CEP128: variants seen among roughly 807,000 people sequenced by gnomAD.
CEP128 encodes the protein centrosomal protein 128.
Under a neutral mutation model 156.7 loss-of-function variants are expected in CEP128, and 132 were observed. The observed-to-expected ratio is 0.84, with a 90% CI of 0.73 to 0.97. The LOEUF is 0.97. Ranked by LOEUF, CEP128 falls within the 50% of genes least tolerant of loss-of-function variation. The pLI is 0.00. For synonymous variants in CEP128, 469 were observed against 448.9 expected (o/e 1.04, Z -0.57); for missense variants, 1,252 against 1,281.9 (o/e 0.98, Z 0.36).
chr14:80,851,500 A>G (rs1886887339), intron 9 of CEP128, among the ~76,000 whole-genome samples: 1 of 152,136 alleles, frequency 6.6e-6, no homozygotes. Context: ...ATCTTAGACT[A>G]ATAAGTACTG....
Position 80,785,474 on chromosome 14 carries a change from C to T in CEP128, c.1632G>A (p.Lys544=), listed in dbSNP as rs1901357209. The part of the protein sequence containing the change: ...AALQQIENLR[K]ELNDVLTKRA... ...GCTTTGTTAGGACATCATTCAATTC[C>T]TTTCGAAGATTCTCTATTTGTTGTA... The change falls in exon 15 of 25, where the codon AAG becomes AAA. Residue 544 remains lysine, a synonymous_variant. Transcript: ENST00000555265. The T allele has an allele frequency of 1.2e-6, 2 of 1,613,776 alleles. No homozygotes were observed. The highest frequency in any genetic ancestry group is 4.5e-5 in the East Asian group (2 of 44,878).
intron 13 of CEP128, among the ~76,000 whole-genome samples, chr14:80,825,311 G>A (rs1885413351): frequency 6.6e-6 from 1 of 152,170 alleles, no homozygotes; most frequent in South Asian, 2.1e-4. Flanking sequence ...GTTTCACTAT[G>A]TTGCCTAGGC....
chr14:80,955,736 T>A, intron 2 of CEP128: 1 of 1,614,148 alleles, frequency 6.2e-7, no homozygotes, highest in Non-Finnish European at 8.5e-7. Context: ...CCCAGGGACC[T>A]GGGCGGAATG....
chr14:80,693,177 C>T (rs1010341855), intron 19 of CEP128, among the ~76,000 whole-genome samples: 5 of 152,132 alleles, frequency 3.3e-5, no homozygotes, highest in Non-Finnish European at 5.9e-5. Context: ...AGCCTACAGA[C>T]CAATACCTTG....
intron 19 of CEP128, among the ~76,000 whole-genome samples, chr14:80,633,927 C>T (rs1186086442): frequency 6.6e-6 from 1 of 152,126 alleles, no homozygotes; most frequent in Non-Finnish European, 1.5e-5. Flanking sequence ...ATGTACAGGG[C>T]CCTCTTGGAC....
intron 2 of CEP128, among the ~76,000 whole-genome samples, chr14:80,927,577 G>A (rs1885220470): frequency 6.6e-6 from 1 of 152,188 alleles, no homozygotes; most frequent in South Asian, 2.1e-4. Flanking sequence ...TGAATAGCCA[G>A]AGCACTTCGT....
At chr14:80,684,324 C>G (rs1896441103) in intron 19 of CEP128, among the ~76,000 whole-genome samples, 1 of 152,042 alleles carries the variant, frequency 6.6e-6, no homozygotes, top group Non-Finnish European at 1.5e-5. Context: ...CACCTCTATG[C>G]ATACAAATCA....
At chr14:80,820,102 G>A (rs1345058271) in intron 13 of CEP128, among the ~76,000 whole-genome samples, 1 of 152,246 alleles carries the variant, frequency 6.6e-6, no homozygotes, top group East Asian at 1.9e-4. Flanking sequence ...TGTAGGATTT[G>A]TAGTTGATTC....
chr14:80,694,015 G>C (rs1051408545), intron 19 of CEP128, among the ~76,000 whole-genome samples: 1 of 152,154 alleles, frequency 6.6e-6, no homozygotes, highest in African/African-American at 2.4e-5. Flanking sequence ...AAGTGTTTTA[G>C]GTTCTTCCTG....
chr14:80,528,853 AT>A (rs1889099253), intron 22 of CEP128, among the ~76,000 whole-genome samples: 2 of 152,160 alleles, frequency 1.3e-5, no homozygotes, highest in Admixed American at 6.5e-5. Flanking sequence ...CGCCACACTG[AT>A]TTTTAGAAAG....
intron 19 of CEP128, among the ~76,000 whole-genome samples, chr14:80,598,640 G>A (rs541623586): frequency 1.5e-4 from 23 of 152,002 alleles, no homozygotes; most frequent in Non-Finnish European, 2.9e-4. Context: ...TATATGGAAA[G>A]GAAAAGGAAC....
chr14:80,772,996 G>C (rs1272105706), intron 16 of CEP128, among the ~76,000 whole-genome samples: 1 of 152,192 alleles, frequency 6.6e-6, no homozygotes, highest in Non-Finnish European at 1.5e-5. Flanking sequence ...AGCATCTTTT[G>C]TAACAGAGGA....
downstream of CEP128, among the ~76,000 whole-genome samples, chr14:80,494,277 T>G (rs1046032044): frequency 1.3e-5 from 2 of 152,192 alleles, no homozygotes; most frequent in African/African-American, 4.8e-5. Flanking sequence ...GAGAACAGCT[T>G]CCTCATTTGA....
intron 19 of CEP128, among the ~76,000 whole-genome samples, chr14:80,717,232 T>C (rs1281773426): frequency 1.3e-5 from 2 of 152,344 alleles, no homozygotes; most frequent in South Asian, 2.1e-4. Flanking sequence ...TTAAATAATA[T>C]AGTTGTCCCT....
intron 19 of CEP128, among the ~76,000 whole-genome samples, chr14:80,734,781 G>A (rs1441009810): frequency 7.1e-6 from 1 of 140,530 alleles, no homozygotes; most frequent in Non-Finnish European, 1.5e-5. Flanking sequence ...CCAGGAGGCA[G>A]AGGTTGCAAT....
chr14:80,595,972 C>A (rs1276645986), intron 19 of CEP128, among the ~76,000 whole-genome samples: 1 of 151,494 alleles, frequency 6.6e-6, no homozygotes, highest in African/African-American at 2.4e-5. Context: ...CACCGTGTCC[C>A]TCCCAGAACA....
chr14:80,512,740 T>C (rs1888316892), intron 23 of CEP128, among the ~76,000 whole-genome samples: 1 of 152,098 alleles, frequency 6.6e-6, no homozygotes. Context: ...GTATCCATTG[T>C]AGGTTTTTTG....
intron 19 of CEP128, among the ~76,000 whole-genome samples, chr14:80,631,118 T>C (rs1442234148): frequency 6.6e-6 from 1 of 151,988 alleles, no homozygotes; most frequent in Non-Finnish European, 1.5e-5. Context: ...ATTCTATTGT[T>C]ATTCATAATA....
chr14:80,880,509 T>C (rs1401722406), intron 8 of CEP128, among the ~76,000 whole-genome samples: 1 of 151,966 alleles, frequency 6.6e-6, no homozygotes, highest in African/African-American at 2.4e-5. Context: ...ATGCATCCAA[T>C]TTGAAAAGAA....
Sources: gnomAD v4.1 joint callset for allele counts (sites outside exome capture counted in the v4.1 genomes callset) on GRCh38, gnomAD v4.1.1 for gene constraint, MANE v1.5 for transcripts, NCBI Gene and HGNC (gene_info 2026-07-23, HGNC 2026-07-21) for gene names.